The following UGGT2 variants were observed in gnomAD, a reference collection of about 807,000 sequenced individuals.
The protein encoded by UGGT2 is UDP-glucose:glycoprotein glucosyltransferase 2.
A neutral mutation model predicts 192.1 loss-of-function variants in UGGT2; 180 were observed. That is an observed-to-expected ratio of 0.94 (90% CI 0.83 to 1.06). The LOEUF (loss-of-function observed/expected upper bound fraction) is 1.06. Among genes scored for constraint, UGGT2 ranks in the 50% least tolerant of loss-of-function variants. The pLI, the probability that UGGT2 is intolerant of heterozygous loss-of-function variation, is 0.00. For synonymous variants in UGGT2, 580 were observed against 591.0 expected (o/e 0.98, Z 0.27); for missense variants, 1,849 against 1,795.7 (o/e 1.03, Z -0.54).
chr13:96,052,942 C>T (rs1566866135), intron 1 of UGGT2, among the ~76,000 whole-genome samples: 1 of 152,212 alleles, frequency 6.6e-6, no homozygotes, highest in Admixed American at 6.5e-5. Context: ...TAAAGTAAGA[C>T]TGAGGGGGAA....
In UGGT2 at chr13:95,855,106, TAAA is replaced by T. The variant is rs10713359; in HGVS notation, c.4009-634_4009-632del. On this transcript the variant is annotated intron_variant, in intron 34 of 38. Coordinates refer to ENST00000376747, the MANE Select transcript of UGGT2 (RefSeq NM_020121.4). The stretch of plus-strand genomic sequence containing the variant: ...GGGCAACACAGTGAGACCCTGTCTG[TAAA>T]AAAAAAAAAAAAAAAAAAAAAAAAA... 8.1e-3 allele frequency among the ~76,000 whole-genome samples: 403 copies of T among 49,936 alleles called. 6 individuals are homozygous for T. The highest frequency in any genetic ancestry group is 0.033 in the African/African-American group (379 of 11,566). The allele number at this position is 49,936 out of a possible 152,430, so 32.8% of individuals were successfully genotyped here.
intron 16 of UGGT2, 118 bp from the exon 17 acceptor site, chr13:95,937,206 T>C: frequency 1.7e-6 from 2 of 1,181,188 alleles, no homozygotes; most frequent in Admixed American, 3.0e-5. Flanking sequence ...TCCATTTTGC[T>C]AACTTTATCT....
At chr13:95,812,276 A>G (rs1884622199) in intron 38 of UGGT2, among the ~76,000 whole-genome samples, 1 of 152,208 alleles carries the variant, frequency 6.6e-6, no homozygotes, top group African/African-American at 2.4e-5. Context: ...CAACCATTTA[A>G]AAATGTAAAA....
chr13:95,878,412 T>G (rs1448999757), intron 27 of UGGT2, among the ~76,000 whole-genome samples: 9 of 152,188 alleles, frequency 5.9e-5, no homozygotes, highest in Non-Finnish European at 1.0e-4. Context: ...GATTTCTATT[T>G]CTTGTCTTCA....
chr13:95,837,105 C>T lies in UGGT2; in HGVS notation c.4382G>A (p.Arg1461Lys). Residue 1461 changes from arginine to lysine, a missense_variant, in exon 37 of 39, where the codon AGA becomes AAA. Arg to Lys is a conservative substitution (Grantham distance 26). Coordinates refer to ENST00000376747, the MANE Select transcript of UGGT2 (RefSeq NM_020121.4). ...ACTCACCAGATCAATTGTTTTGGCT[C>T]TTTGTTTGGATTCATCATCACACCA... is the stretch of plus-strand genomic sequence containing the variant. ...ETWCDDESKQ[R>K]AKTIDLCNNP... The T allele has an allele frequency of 1.9e-6, 3 of 1,613,704 alleles. No homozygotes were observed. The highest frequency in any genetic ancestry group is 2.5e-6 in the Non-Finnish European group (3 of 1,179,628).
At chr13:95,970,659 A>G (rs2050743547) in intron 11 of UGGT2, among the ~76,000 whole-genome samples, 3 of 152,180 alleles carry the variant, frequency 2.0e-5, no homozygotes, top group African/African-American at 7.2e-5. Flanking sequence ...AATACAGAGG[A>G]AGCTCCATTA....
chr13:95,953,349 G>A (rs1203946683), intron 12 of UGGT2, among the ~76,000 whole-genome samples: 1 of 152,168 alleles, frequency 6.6e-6, no homozygotes, highest in Admixed American at 6.5e-5. Context: ...TTTCTTTTCA[G>A]AGAGCTGAAG....
rs773732181 is a variant in UGGT2, at chr13:95,900,982, A to G, written c.2503-44T>C. On this transcript the variant is annotated intron_variant, in intron 21 of 38. Transcript: ENST00000376747. Reference sequence around the variant, plus strand: ...CTGATGAAACTAATATGAGAACAGTAAATATATTAAATCATTTTGTTTAAA... The same window carrying G: ...CTGATGAAACTAATATGAGAACAGTGAATATATTAAATCATTTTGTTTAAA... 4.6e-6 allele frequency: 6 copies of G among 1,317,428 alleles called. No individual in the cohort carries two copies. In the East Asian group the frequency reaches 1.6e-4, roughly 35 times the overall value. The allele number at this position is 1,317,428 out of a possible 1,614,324, so 81.6% of individuals were successfully genotyped here. A position where few individuals can be genotyped will look rare whatever the true frequency, so the allele number is the denominator to read the frequency against.
rs9525082 is a variant in UGGT2 at position 95,919,241 on chromosome 13, C to A, written c.2295+6439G>T. ...TCAAAATAATAAAAGCCATATATGACAAACTCACAGCCAATATCATACTGA... is the reference window on the plus strand; with the variant it reads ...TCAAAATAATAAAAGCCATATATGAAAAACTCACAGCCAATATCATACTGA... On this transcript the variant is annotated intron_variant, in intron 20 of 38. Coordinates refer to ENST00000376747, the MANE Select transcript of UGGT2 (RefSeq NM_020121.4). 8.5e-3 allele frequency among the ~76,000 whole-genome samples: 1,292 copies of A among 152,176 alleles called. 7 individuals are homozygous for A. Among genetic ancestry groups the A allele is most frequent in the Non-Finnish European group, 0.013 (865 of 67,996 alleles).
At chr13:95,808,488 TTTTC>T (rs1461097516) in intron 38 of UGGT2, among the ~76,000 whole-genome samples, 4 of 152,080 alleles carry the variant, frequency 2.6e-5, no homozygotes, top group African/African-American at 7.2e-5. Flanking sequence ...TCCTCAGTGA[TTTTC>T]TTTTTTTTTT....
intron 1 of UGGT2, among the ~76,000 whole-genome samples, chr13:96,042,631 A>T (rs1340016110): frequency 6.6e-6 from 1 of 152,094 alleles, no homozygotes; most frequent in Non-Finnish European, 1.5e-5. Context: ...GATACAAGAA[A>T]GGAGGGGAGA....
At chr13:96,039,842 A>G (rs1458718733) in intron 1 of UGGT2, among the ~76,000 whole-genome samples, 1 of 152,188 alleles carries the variant, frequency 6.6e-6, no homozygotes, top group Non-Finnish European at 1.5e-5. Flanking sequence ...TCTAGATTCC[A>G]ATATAATGTC....
intron 16 of UGGT2, among the ~76,000 whole-genome samples, chr13:95,937,427 A>G (rs2049502605): frequency 6.6e-6 from 1 of 152,190 alleles, no homozygotes; most frequent in South Asian, 2.1e-4. Context: ...TTACAAAAAC[A>G]AGCAGTGGGT....
At chr13:96,026,296 G>A (rs2139132857) in intron 2 of UGGT2, among the ~76,000 whole-genome samples, 1 of 152,196 alleles carries the variant, frequency 6.6e-6, no homozygotes, top group East Asian at 1.9e-4. Context: ...TATTCATGAG[G>A]CACCAACCAG....
At chr13:95,807,716 C>A (rs201378127) in intron 38 of UGGT2, among the ~76,000 whole-genome samples, 1 of 78,706 alleles carries the variant, frequency 1.3e-5, no homozygotes, top group South Asian at 4.5e-4. Context: ...CAGCCCTCAC[C>A]TTTTTTTTTT....
chr13:95,946,926 T>C, intron 15 of UGGT2, 111 bp downstream of exon 15: 1 of 1,184,906 alleles, frequency 8.4e-7, no homozygotes, highest in Admixed American at 2.8e-5. Flanking sequence ...TTATAAACTT[T>C]GAAATGTTAC....
intron 25 of UGGT2, 74 bp from the exon 26 acceptor site, chr13:95,888,045 A>C (rs988746714): frequency 9.0e-6 from 9 of 1,002,880 alleles, no homozygotes; most frequent in Non-Finnish European, 1.3e-5. Context: ...TTTACTATGT[A>C]CCAGGTACTA....
At chr13:95,867,276 A>T (rs1890755161) in intron 30 of UGGT2, 63 bp downstream of exon 30, 1 of 1,352,734 alleles carries the variant, frequency 7.4e-7, no homozygotes, top group Non-Finnish European at 1.0e-6. Flanking sequence ...ATTAATTAAA[A>T]AACAAAGAAG....
chr13:95,931,492 G>C (rs959922853), intron 17 of UGGT2, among the ~76,000 whole-genome samples: 2 of 147,222 alleles, frequency 1.4e-5, no homozygotes, highest in Non-Finnish European at 3.0e-5. Context: ...GCAGGGGGCA[G>C]CACTCGTCGG....
Sources: gnomAD v4.1 joint callset for allele counts (sites outside exome capture counted in the v4.1 genomes callset) on GRCh38, gnomAD v4.1.1 for gene constraint, MANE v1.5 for transcripts, NCBI Gene and HGNC (gene_info 2026-07-23, HGNC 2026-07-21) for gene names.